Variants in GALNT13 observed in about 807,000 individuals in gnomAD.
GALNT13 encodes polypeptide N-acetylgalactosaminyltransferase 13, also known as UDP-GalNAc:polypeptide N-acetylgalactosaminyltransferase 13.
Under a neutral mutation model 64.2 loss-of-function variants are expected in GALNT13, and 28 were observed. That is an observed-to-expected ratio of 0.44 (90% confidence interval 0.32 to 0.60). The LOEUF is 0.60. GALNT13 is among the 20% of genes least tolerant of loss of function. GALNT13 has a pLI of 0.05. For synonymous variants in GALNT13, 214 were observed against 224.6 expected, an observed-to-expected ratio of 0.95 and a Z score of 0.42; for missense variants, 577 against 669.8, an observed-to-expected ratio of 0.86 and a Z score of 1.53.
At chr2:153,846,320 C>T in the GALNT13 span, among the ~76,000 whole-genome samples, 3 of 151,808 alleles carry the variant, frequency 2.0e-5, no homozygotes, top group South Asian at 2.1e-4. Context: ...GAAAGTAAAG[C>T]GAGAAATGTT....
At chr2:154,001,660 AT>A (rs1343464344) in intron 3 of GALNT13, among the ~76,000 whole-genome samples, 3 of 151,972 alleles carry the variant, frequency 2.0e-5, no homozygotes, top group East Asian at 3.8e-4. Context: ...ATAATTAATA[AT>A]TTTTGTTTTA....
Position 153,944,516 on chromosome 2 carries a change from T to C in GALNT13, c.19T>C (p.Cys7Arg). The change falls in exon 3 of 13, where the codon TGC becomes CGC. Residue 7 changes from cysteine to arginine, a missense_variant. Physicochemically the swap from Cys to Arg is radical, Grantham distance 180. Coordinates refer to ENST00000392825, the MANE Select transcript of GALNT13 (RefSeq NM_052917.4). MRRFVYCKVVLATSLMW... is the reference protein window; with the variant it reads MRRFVYRKVVLATSLMW... ...GAAAGACATGAGGAGATTTGTCTAC[T>C]GCAAGGTGGTTCTAGCCACTTCGCT... 1 of 1,613,484 alleles carries C rather than the reference T, an allele frequency of 6.2e-7. No individual in the cohort carries two copies. Among genetic ancestry groups the C allele is most frequent in the Non-Finnish European group, 8.5e-7 (1 of 1,179,610 alleles).
the GALNT13 span, among the ~76,000 whole-genome samples, chr2:153,805,235 A>G: frequency 6.6e-6 from 1 of 152,026 alleles, no homozygotes. Flanking sequence ...AAAAAAATCA[A>G]AGCAAGGGTA....
At chr2:153,590,330 T>C in the GALNT13 span, among the ~76,000 whole-genome samples, 1 of 152,110 alleles carries the variant, frequency 6.6e-6, no homozygotes, top group South Asian at 2.1e-4. Flanking sequence ...AATAGTGAGA[T>C]TGAATTAGTA....
chr2:154,125,452 A>G (rs1682205543), intron 3 of GALNT13, among the ~76,000 whole-genome samples: 1 of 152,188 alleles, frequency 6.6e-6, no homozygotes, highest in African/African-American at 2.4e-5. Flanking sequence ...CTTTCCCAAA[A>G]CTTAATGTTC....
chr2:153,854,173 G>A, the GALNT13 span, among the ~76,000 whole-genome samples: 25 of 152,006 alleles, frequency 1.6e-4, no homozygotes, highest in Non-Finnish European at 2.8e-4. Context: ...AACTATTAGA[G>A]ATACGTTGCT....
At chr2:153,578,940 A>G in the GALNT13 span, among the ~76,000 whole-genome samples, 2 of 152,240 alleles carry the variant, frequency 1.3e-5, no homozygotes, top group Non-Finnish European at 2.9e-5. Context: ...AATCATGGCC[A>G]TCAGACAATG....
At chr2:153,760,111 A>G in the GALNT13 span, among the ~76,000 whole-genome samples, 2 of 152,114 alleles carry the variant, frequency 1.3e-5, no homozygotes, top group South Asian at 4.1e-4. Flanking sequence ...ATTCTTATAT[A>G]GCTATACTAT....
At chr2:154,194,254 G>A (rs1686759078) in intron 4 of GALNT13, among the ~76,000 whole-genome samples, 1 of 152,116 alleles carries the variant, frequency 6.6e-6, no homozygotes. Flanking sequence ...TTAATTACAA[G>A]TTAATCATAT....
chr2:153,463,539 C>T, the GALNT13 span, among the ~76,000 whole-genome samples: 1 of 152,092 alleles, frequency 6.6e-6, no homozygotes, highest in South Asian at 2.1e-4. Context: ...TCAATCCCTC[C>T]TCCAACTCCA....
the GALNT13 span, among the ~76,000 whole-genome samples, chr2:153,525,723 G>A: frequency 6.6e-6 from 1 of 152,038 alleles, no homozygotes; most frequent in African/African-American, 2.4e-5. Flanking sequence ...GGGGACCACT[G>A]GAGTAGAGCA....
chr2:154,129,470 A>G (rs1682487490), intron 3 of GALNT13, among the ~76,000 whole-genome samples: 1 of 152,166 alleles, frequency 6.6e-6, no homozygotes, highest in African/African-American at 2.4e-5. Context: ...ATAACAATCA[A>G]TGCAATGTAA....
At chr2:153,488,551 T>C in the GALNT13 span, among the ~76,000 whole-genome samples, 2 of 152,174 alleles carry the variant, frequency 1.3e-5, no homozygotes, top group Non-Finnish European at 2.9e-5. Context: ...GGGTCTTGAA[T>C]CTCGCTGATG....
intron 11 of GALNT13, among the ~76,000 whole-genome samples, chr2:154,427,459 A>G (rs916911408): frequency 7.9e-5 from 12 of 152,316 alleles, no homozygotes; most frequent in Non-Finnish European, 1.8e-4. Context: ...CGGAGTGGGA[A>G]GGATAGTCCT....
chr2:153,357,595 T>C, the GALNT13 span, among the ~76,000 whole-genome samples: 1 of 152,132 alleles, frequency 6.6e-6, no homozygotes, highest in South Asian at 2.1e-4. Flanking sequence ...TTGAGACAAT[T>C]GTAAAGCTTG....
At chr2:153,965,896 C>T (rs1333359370) in intron 3 of GALNT13, among the ~76,000 whole-genome samples, 1 of 149,646 alleles carries the variant, frequency 6.7e-6, no homozygotes, top group Non-Finnish European at 1.5e-5. Context: ...TTTATATTAT[C>T]GATCTCATAA....
At chr2:153,721,927 G>A in the GALNT13 span, among the ~76,000 whole-genome samples, 1 of 149,808 alleles carries the variant, frequency 6.7e-6, no homozygotes, top group Non-Finnish European at 1.5e-5. Flanking sequence ...GGATACCCAG[G>A]AATTGAACTC....
intron 8 of GALNT13, among the ~76,000 whole-genome samples, chr2:154,262,119 T>A (rs1342622723): frequency 1.3e-5 from 2 of 152,162 alleles, no homozygotes; most frequent in African/African-American, 4.8e-5. Flanking sequence ...GGTTTCAAAG[T>A]GTTTAAAAAT....
the GALNT13 span, among the ~76,000 whole-genome samples, chr2:153,444,014 A>G: frequency 2.6e-5 from 4 of 152,278 alleles, no homozygotes; most frequent in East Asian, 7.7e-4. Context: ...CTATAATTCT[A>G]TAATTTATCT....
Sources: gnomAD v4.1 joint callset for allele counts (sites outside exome capture counted in the v4.1 genomes callset) on GRCh38, gnomAD v4.1.1 for gene constraint, MANE v1.5 for transcripts, NCBI Gene and HGNC (gene_info 2026-07-23, HGNC 2026-07-21) for gene names.